AOPEP: variants seen among roughly 807,000 people sequenced by gnomAD.
AOPEP encodes aminopeptidase O (putative).
In AOPEP, 77 loss-of-function variants were observed where a neutral mutation model predicts 98.1. The ratio of observed to expected loss-of-function variants is 0.78; its 90% confidence interval spans 0.65 to 0.95. The LOEUF is 0.95. Ranked by LOEUF, AOPEP falls within the 40% of genes least tolerant of loss-of-function variation. AOPEP has a pLI of 0.00. For missense variants in AOPEP, 1,024 were observed against 1,024.7 expected, an observed-to-expected ratio of 1.00 and a Z score of 0.01; for synonymous variants, 346 against 365.3, an observed-to-expected ratio of 0.95 and a Z score of 0.60.
chr9:95,085,590 C>A (rs377435234), intron 16 of AOPEP: 10 of 429,740 alleles, frequency 2.3e-5, no homozygotes, highest in South Asian at 1.7e-4. Flanking sequence ...CCGTTGCTGA[C>A]GGGCCGGCCG....
chr9:95,005,683 G>T, intron 13 of AOPEP, 67 bp downstream of exon 13: 1 of 1,267,870 alleles, frequency 7.9e-7, no homozygotes, highest in Non-Finnish European at 1.2e-6. Flanking sequence ...GTGAGGACCT[G>T]GTCATGACAA....
At chr9:94,916,207 C>G (rs958858245) in intron 5 of AOPEP, among the ~76,000 whole-genome samples, 1 of 152,124 alleles carries the variant, frequency 6.6e-6, no homozygotes, top group Non-Finnish European at 1.5e-5. Context: ...TTTATGGGAA[C>G]AAACATCATC....
chr9:94,847,159 CTGT>C (rs2042965990), intron 5 of AOPEP, among the ~76,000 whole-genome samples: 11 of 148,908 alleles, frequency 7.4e-5, no homozygotes, highest in Admixed American at 7.3e-4. Flanking sequence ...CACACTCTCT[CTGT>C]CTCTCTCTCT....
At chr9:95,114,501 GTGC>G in the AOPEP span, 4 of 864,648 alleles carry the variant, frequency 4.6e-6, no homozygotes, top group Non-Finnish European at 7.9e-6. Flanking sequence ...CTTCACCATG[GTGC>G]TCACCTGTTT....
At chr9:95,106,636 A>AT in the AOPEP span, among the ~76,000 whole-genome samples, 1 of 152,168 alleles carries the variant, frequency 6.6e-6, no homozygotes, top group Non-Finnish European at 1.5e-5. Flanking sequence ...TAATAAACCA[A>AT]TTTTTTTAAA....
At chr9:95,080,323 C>G (rs965663466) in intron 14 of AOPEP, among the ~76,000 whole-genome samples, 1 of 152,060 alleles carries the variant, frequency 6.6e-6, no homozygotes, top group African/African-American at 2.4e-5. Flanking sequence ...GTGAGGAGAT[C>G]GAGACCAGCC....
intron 5 of AOPEP, among the ~76,000 whole-genome samples, chr9:94,841,107 T>C (rs1234602173): frequency 2.0e-5 from 3 of 152,182 alleles, no homozygotes; most frequent in Non-Finnish European, 4.4e-5. Context: ...CTTTGTTCTA[T>C]TGTAACAAGC....
the AOPEP span, chr9:95,123,448 C>G: frequency 7.0e-4 from 321 of 459,734 alleles, 4 homozygotes; most frequent in South Asian, 4.4e-3. Context: ...GAGACCAGCC[C>G]GGGCAACATG....
intron 9 of AOPEP, among the ~76,000 whole-genome samples, chr9:94,966,863 T>C (rs557152145): frequency 6.6e-6 from 1 of 152,324 alleles, no homozygotes; most frequent in South Asian, 2.1e-4. Flanking sequence ...GGGGTCACAA[T>C]ATTCACAGTA....
intron 11 of AOPEP, among the ~76,000 whole-genome samples, chr9:94,988,770 G>T (rs983765383): frequency 3.9e-5 from 6 of 152,180 alleles, no homozygotes; most frequent in African/African-American, 1.2e-4. Flanking sequence ...GTAGGAGGCG[G>T]ATTAAAACTG....
intron 6 of AOPEP, among the ~76,000 whole-genome samples, chr9:94,927,452 T>C (rs1478511297): frequency 6.6e-6 from 1 of 152,192 alleles, no homozygotes; most frequent in African/African-American, 2.4e-5. Flanking sequence ...GGCCTGACCA[T>C]ATGCCTTGCC....
intron 14 of AOPEP, among the ~76,000 whole-genome samples, chr9:95,078,269 C>T (rs1487704148): frequency 3.3e-5 from 5 of 152,208 alleles, no homozygotes; most frequent in African/African-American, 9.6e-5. Context: ...CGGCCGCCAC[C>T]GAGGGCCTTG....
intron 1 of AOPEP, among the ~76,000 whole-genome samples, chr9:94,750,325 C>T (rs1835393545): frequency 6.6e-6 from 1 of 152,184 alleles, no homozygotes; most frequent in Admixed American, 6.5e-5. Context: ...GTGGCTCACG[C>T]CTGTAATCCC....
intron 16 of AOPEP, among the ~76,000 whole-genome samples, chr9:95,083,369 G>C (rs574537210): frequency 1.4e-5 from 2 of 143,370 alleles, no homozygotes; most frequent in Non-Finnish European, 3.0e-5. Context: ...GCACCACACA[G>C]AGCACACGCG....
chr9:94,808,150 C>A (rs114082139), intron 5 of AOPEP, among the ~76,000 whole-genome samples: 1,654 of 151,060 alleles, frequency 0.011, 34 homozygotes, highest in African/African-American at 0.039. Flanking sequence ...TTAGGCAGTT[C>A]TGCCTCAGCC....
intron 16 of AOPEP, chr9:95,086,359 G>GC: frequency 1.0e-6 from 1 of 985,448 alleles, no homozygotes; most frequent in Non-Finnish European, 1.2e-6. Context: ...GGGAGGCAGG[G>GC]CCCAGCTCTC....
chr9:94,864,216 A>G (rs1016494962), intron 5 of AOPEP, among the ~76,000 whole-genome samples: 11 of 152,258 alleles, frequency 7.2e-5, no homozygotes, highest in African/African-American at 2.7e-4. Flanking sequence ...CAGAAAGATG[A>G]CAATTCAGCA....
intron 7 of AOPEP, among the ~76,000 whole-genome samples, chr9:94,951,249 C>T (rs929754142): frequency 3.3e-5 from 5 of 152,250 alleles, no homozygotes; most frequent in African/African-American, 1.2e-4. Flanking sequence ...ACCTGAGCCT[C>T]ACTGCAGACT....
chr9:94,895,365 A>C (rs1238750590), intron 5 of AOPEP, among the ~76,000 whole-genome samples: 2 of 148,808 alleles, frequency 1.3e-5, no homozygotes, highest in Non-Finnish European at 1.5e-5. Flanking sequence ...ATGCCACTGC[A>C]CTCCAGCCTA....
Sources: gnomAD v4.1 joint callset for allele counts (sites outside exome capture counted in the v4.1 genomes callset) on GRCh38, gnomAD v4.1.1 for gene constraint, MANE v1.5 for transcripts, NCBI Gene and HGNC (gene_info 2026-07-23, HGNC 2026-07-21) for gene names.